Variants in GPR25 observed in about 807,000 individuals in gnomAD.
The protein encoded by GPR25 is G protein-coupled receptor 25.
For missense variants in GPR25, 501 were observed against 503.0 expected, an observed-to-expected ratio of 1.00 and a Z score of 0.04; for synonymous variants, 280 against 264.9, an observed-to-expected ratio of 1.06 and a Z score of -0.55.
chr1:200,873,488 C>A lies in GPR25; in HGVS notation c.451C>A (p.Arg151Ser), dbSNP rs1417960492. Residue 151 changes from arginine to serine, a missense_variant, in exon 1 of 1, where the codon CGC (arginine) becomes AGC (serine). By Grantham distance (110) the Arg-to-Ser change is moderately radical. Coordinates refer to ENST00000304244, the MANE Select transcript of GPR25 (RefSeq NM_005298.4). ...GAAGCTGCTCGAGGCGAGGCCACTG[C>A]GCACCCCGCGCTGCGCGCTGGCCTC... ...VVKLLEARPL[R>S]TPRCALASCC... 4 of 1,562,724 alleles carry A rather than the reference C, an allele frequency of 2.6e-6. No homozygotes were observed. The highest frequency in any genetic ancestry group is 3.4e-6 in the Non-Finnish European group (4 of 1,163,148).
In GPR25 at chr1:200,874,015, C is replaced by G. The variant is rs773470365; in HGVS notation, c.978C>G (p.Thr326=). ...CGCTGGACGGGGCCTGCGGGCGCAC[C>G]GGCCGCCTGGCGCGAAGGATCAGCT... The part of the protein sequence containing the change: ...ARALDGACGR[T]GRLARRISSA... Residue 326 remains threonine, a synonymous_variant, in exon 1 of 1, where the codon ACC becomes ACG. Coordinates refer to ENST00000304244, the MANE Select transcript of GPR25 (RefSeq NM_005298.4). 3.1e-6 allele frequency: 5 copies of G among 1,611,620 alleles called. No homozygotes were observed. Among genetic ancestry groups the G allele is most frequent in the Non-Finnish European group, 4.2e-6 (5 of 1,179,350 alleles).
chr1:200,873,282 C>A lies in GPR25; in HGVS notation c.245C>A (p.Ala82Glu). ...GTGGATACCTTCGTGCTGCACCTGG[C>A]GGCAGCTGACCTGGGCTTCGTGCTC... ...RLVDTFVLHL[A>E]AADLGFVLTL... The change falls in exon 1 of 1, where the codon GCG becomes GAG. Residue 82 changes from alanine to glutamate, a missense_variant. Ala to Glu is a moderately radical substitution (Grantham distance 107). Transcript: ENST00000304244. 1 of 1,549,234 alleles carries A rather than the reference C, an allele frequency of 6.5e-7. No individual in the cohort carries two copies. The highest frequency in any genetic ancestry group is 2.4e-5 in the East Asian group (1 of 41,686).
In GPR25 at chr1:200,873,609, G is replaced by A. The variant is rs754374413; in HGVS notation, c.572G>A (p.Cys191Tyr). Residue 191 changes from cysteine to tyrosine, a missense_variant, in exon 1 of 1, where the codon TGC becomes TAC. Cys to Tyr is a radical substitution (Grantham distance 194). Transcript: ENST00000304244. ...QPLPGGQDSQ[C>Y]GEEPSHAFQG... is the part of the protein sequence containing the mutation. ...CTGCCTGGGGGCCAGGACAGCCAGTGCGGCGAGGAGCCCTCCCACGCCTTC... is the reference window on the plus strand; with the variant it reads ...CTGCCTGGGGGCCAGGACAGCCAGTACGGCGAGGAGCCCTCCCACGCCTTC... 2.2e-5 allele frequency: 35 copies of A among 1,594,588 alleles called. No individual in the cohort carries two copies. Among genetic ancestry groups the A allele is most frequent in the Non-Finnish European group, 3.0e-5 (35 of 1,178,334 alleles).
At position 200,873,014 on chromosome 1, in the gene GPR25, C is replaced by G. The variant is rs1429807762; in HGVS notation, c.-24C>G. ...TGCCGCCTGCGCCCAGGGCTGCACT[C>G]CGCGCAGGCCTCATAGCCAGGCCAT... On this transcript the variant is annotated 5_prime_UTR_variant, in exon 1 of 1. Transcript: ENST00000304244. The G allele has an allele frequency of 1.3e-6, 2 of 1,494,790 alleles. No homozygotes were observed. Among genetic ancestry groups the G allele is most frequent in the South Asian group, 1.3e-5 (1 of 77,678 alleles). The allele number at this position is 1,494,790 out of a possible 1,614,324, so 92.6% of individuals were successfully genotyped here. A position where few individuals can be genotyped will look rare whatever the true frequency, so the allele number is the denominator to read the frequency against.
chr1:200,874,084 C>T lies in GPR25; in HGVS notation c.1047C>T (p.Cys349=), dbSNP rs199987519. ...GGGACGACAGTTCCGTGTTCCGTTG[C>T]CGGGCCCAGGCCGCGAACACTGCCT... ...LSRDDSSVFR[C]RAQAANTASA... is the part of the protein sequence containing the mutation. Residue 349 remains cysteine, a synonymous_variant, in exon 1 of 1, where the codon TGC becomes TGT. Coordinates refer to ENST00000304244, the MANE Select transcript of GPR25 (RefSeq NM_005298.4). 4 of 1,587,996 alleles carry T rather than the reference C, an allele frequency of 2.5e-6. No individual in the cohort carries two copies. Among genetic ancestry groups the T allele is most frequent in the South Asian group, 1.1e-5 (1 of 88,602 alleles).
At position 200,874,026 on chromosome 1, in the gene GPR25, C is replaced by T. The variant is rs1418156794; in HGVS notation, c.989C>T (p.Ala330Val). 1.9e-6 allele frequency: 3 copies of T among 1,611,344 alleles called. No homozygotes were observed. The highest frequency in any genetic ancestry group is 2.5e-6 in the Non-Finnish European group (3 of 1,179,250). The change falls in exon 1 of 1, where the codon GCG becomes GTG. Residue 330 changes from alanine to valine, a missense_variant. By Grantham distance (64) the Ala-to-Val change is moderately conservative. Coordinates refer to ENST00000304244, the MANE Select transcript of GPR25 (RefSeq NM_005298.4). ...GCCTGCGGGCGCACCGGCCGCCTGG[C>T]GCGAAGGATCAGCTCAGCCTCCTCG... ...DGACGRTGRL[A>V]RRISSASSLS... is the part of the protein sequence containing the mutation.
rs767554545 is a variant in GPR25 at position 200,873,612 on chromosome 1, G to T, written c.575G>T (p.Gly192Val). Residue 192 changes from glycine to valine, a missense_variant, in exon 1 of 1, where the codon GGC becomes GTC. Coordinates refer to ENST00000304244, the MANE Select transcript of GPR25 (RefSeq NM_005298.4). The part of the protein sequence containing the change: ...PLPGGQDSQC[G>V]EEPSHAFQGL... ...CCTGGGGGCCAGGACAGCCAGTGCG[G>T]CGAGGAGCCCTCCCACGCCTTCCAG... is the stretch of plus-strand genomic sequence containing the variant. 18 of 1,594,938 alleles carry T rather than the reference G, an allele frequency of 1.1e-5. No homozygotes were observed. The highest frequency in any genetic ancestry group is 1.4e-5 in the Non-Finnish European group (16 of 1,178,542).
At position 200,874,021 on chromosome 1, in the gene GPR25, C is replaced by T. The variant is rs1393328768; in HGVS notation, c.984C>T (p.Arg328=). ...ACGGGGCCTGCGGGCGCACCGGCCG[C>T]CTGGCGCGAAGGATCAGCTCAGCCT... The part of the protein sequence containing the change: ...ALDGACGRTG[R]LARRISSASS... Residue 328 remains arginine (R), a synonymous_variant, in exon 1 of 1, where the codon CGC becomes CGT. Coordinates refer to ENST00000304244, the MANE Select transcript of GPR25 (RefSeq NM_005298.4). 1 of 1,611,536 alleles carries T rather than the reference C, an allele frequency of 6.2e-7. No individual in the cohort carries two copies.
In GPR25 at chr1:200,873,877, C is replaced by T; in HGVS notation, c.840C>T (p.Pro280=). ...ARLGALPLPC[P]LLLALRWGLT... is the part of the protein sequence containing the mutation. ...TGGGGGCGCTGCCGCTGCCGTGCCC[C>T]CTGCTGCTGGCGCTGCGCTGGGGCC... The change falls in exon 1 of 1, where the codon CCC becomes CCT. Residue 280 remains proline, a synonymous_variant. Transcript: ENST00000304244. 6.2e-7 allele frequency: 1 copy of T among 1,607,076 alleles called. No individual in the cohort carries two copies. The highest frequency in any genetic ancestry group is 8.5e-7 in the Non-Finnish European group (1 of 1,178,672).
In GPR25 at chr1:200,873,835, C is replaced by T; in HGVS notation, c.798C>T (p.Val266=). 6.2e-7 allele frequency: 1 copy of T among 1,602,056 alleles called. No individual in the cohort carries two copies. The highest frequency in any genetic ancestry group is 1.1e-5 in the South Asian group (1 of 91,040). ...SWLPFSALRA[V]FHLARLGALP... ...TGCCCTTCAGCGCCCTGCGGGCCGT[C>T]TTCCACCTGGCGCGTCTGGGGGCGC... Residue 266 remains valine (V), a synonymous_variant, in exon 1 of 1, where the codon GTC becomes GTT. Transcript: ENST00000304244.
chr1:200,874,010 C>G lies in GPR25; in HGVS notation c.973C>G (p.Arg325Gly), dbSNP rs748505357. 6.2e-7 allele frequency: 1 copy of G among 1,611,572 alleles called. No homozygotes were observed. ...CCGGGCGCTGGACGGGGCCTGCGGG[C>G]GCACCGGCCGCCTGGCGCGAAGGAT... ...RARALDGACG[R>G]TGRLARRISS... The change falls in exon 1 of 1, where the codon CGC becomes GGC. Residue 325 changes from arginine (R) to glycine (G), a missense_variant. Transcript: ENST00000304244.
At position 200,873,732 on chromosome 1, in the gene GPR25, C is replaced by T. The variant is rs1284159147; in HGVS notation, c.695C>T (p.Pro232Leu). 2.5e-6 allele frequency: 4 copies of T among 1,597,906 alleles called. No individual in the cohort carries two copies. The Admixed American group carries it at 6.7e-5, about 27-fold the overall frequency. ...CGCATCTCGCGCCGCCTGCGACGGCCGCCGCACGTGGGTCGGGCCCGGAGG... is the reference window on the plus strand; with the variant it reads ...CGCATCTCGCGCCGCCTGCGACGGCTGCCGCACGTGGGTCGGGCCCGGAGG... ...YCRISRRLRR[P>L]PHVGRARRNS... The change falls in exon 1 of 1, where the codon CCG becomes CTG. Residue 232 changes from proline to leucine, a missense_variant. Transcript: ENST00000304244.
At position 200,873,176 on chromosome 1, in the gene GPR25, C is replaced by G. The variant is rs1319546455; in HGVS notation, c.139C>G (p.Leu47Val). The change falls in exon 1 of 1, where the codon CTG becomes GTG. Residue 47 changes from leucine (L) to valine (V), a missense_variant. Physicochemically the swap from Leu to Val is conservative, Grantham distance 32 (BLOSUM62 1). Coordinates refer to ENST00000304244, the MANE Select transcript of GPR25 (RefSeq NM_005298.4). ...YGYVYIPALY[L>V]AAFAVGLLGN... ...CTACGTCTACATCCCCGCGCTCTAC[C>G]TGGCGGCCTTCGCCGTGGGCCTGCT... 8.7e-6 allele frequency: 14 copies of G among 1,606,756 alleles called. No individual in the cohort carries two copies. The highest frequency in any genetic ancestry group is 1.3e-5 in the African/African-American group (1 of 74,922).
rs1252851430 is a variant in GPR25 at position 200,873,210 on chromosome 1, C to T, written c.173C>T (p.Ala58Val). 13 of 1,605,012 alleles carry T rather than the reference C, an allele frequency of 8.1e-6. No homozygotes were observed. The highest frequency in any genetic ancestry group is 1.1e-5 in the Non-Finnish European group (13 of 1,178,328). Residue 58 changes from alanine (A) to valine (V), a missense_variant, in exon 1 of 1, where the codon GCC (alanine) becomes GTC (valine). Ala to Val is a moderately conservative substitution (Grantham distance 64). Transcript: ENST00000304244. ...TTCGCCGTGGGCCTGCTGGGCAACG[C>T]CTTTGTGGTGTGGCTGCTGGCCGGG... ...AAFAVGLLGN[A>V]FVVWLLAGRR...
In GPR25 at chr1:200,873,388, C is replaced by A; in HGVS notation, c.351C>A (p.Phe117Leu). The change falls in exon 1 of 1, where the codon TTC (phenylalanine) becomes TTA (leucine). Residue 117 changes from phenylalanine to leucine, a missense_variant. By Grantham distance (22) the Phe-to-Leu change is conservative (BLOSUM62 0). Coordinates refer to ENST00000304244, the MANE Select transcript of GPR25 (RefSeq NM_005298.4). ...ATGGCCTCTGCAAGCTCAGCAGCTT[C>A]GCGCTGGCGGGCACGCGCTGCGCGG... The part of the protein sequence containing the change: ...FGDGLCKLSS[F>L]ALAGTRCAGA... 2 of 1,491,946 alleles carry A rather than the reference C, an allele frequency of 1.3e-6. No individual in the cohort carries two copies. Among genetic ancestry groups the A allele is most frequent in the Non-Finnish European group, 1.8e-6 (2 of 1,130,768 alleles). 92.4% of individuals were successfully genotyped at this position (1,491,946 alleles called of 1,614,324 possible). A position where few individuals can be genotyped will look rare whatever the true frequency, so the allele number is the denominator to read the frequency against.
Position 200,873,138 on chromosome 1 carries a change from A to C in GPR25, c.101A>C (p.Asp34Ala). 6.2e-7 allele frequency: 1 copy of C among 1,604,132 alleles called. No homozygotes were observed. Among genetic ancestry groups the C allele is most frequent in the Non-Finnish European group, 8.5e-7 (1 of 1,178,548 alleles). ...GAGCTGGAGCTGTGTCCGGCCGGGG[A>C]CCTGCCCTACGGCTACGTCTACATC... ...LEELELCPAG[D>A]LPYGYVYIPA... Residue 34 changes from aspartate (D) to alanine (A), a missense_variant, in exon 1 of 1, where the codon GAC becomes GCC. By Grantham distance (126) the Asp-to-Ala change is moderately radical. Coordinates refer to ENST00000304244, the MANE Select transcript of GPR25 (RefSeq NM_005298.4).
rs200829877 is a variant in GPR25 at position 200,873,736 on chromosome 1, G to A, written c.699G>A (p.Pro233=). ...CRISRRLRRP[P]HVGRARRNSL... is the part of the protein sequence containing the mutation. ...TCTCGCGCCGCCTGCGACGGCCGCCGCACGTGGGTCGGGCCCGGAGGAACT... is the reference window on the plus strand; with the variant it reads ...TCTCGCGCCGCCTGCGACGGCCGCCACACGTGGGTCGGGCCCGGAGGAACT... The change falls in exon 1 of 1, where the codon CCG becomes CCA. Residue 233 remains proline (P), a synonymous_variant. Transcript: ENST00000304244. 16 of 1,597,810 alleles carry A rather than the reference G, an allele frequency of 1.0e-5. No individual in the cohort carries two copies. The highest frequency in any genetic ancestry group is 2.2e-5 in the East Asian group (1 of 44,824).
Position 200,873,269 on chromosome 1 carries a change from G to A in GPR25, c.232G>A (p.Val78Met). ...RGPRRLVDTFVLHLAAADLGF... is the reference protein window; with the variant it reads ...RGPRRLVDTFMLHLAAADLGF... ...CCCGCGGCGGCTGGTGGATACCTTCGTGCTGCACCTGGCGGCAGCTGACCT... is the reference window on the plus strand; with the variant it reads ...CCCGCGGCGGCTGGTGGATACCTTCATGCTGCACCTGGCGGCAGCTGACCT... Residue 78 changes from valine to methionine, a missense_variant, in exon 1 of 1, where the codon GTG becomes ATG. Physicochemically the swap from Val to Met is conservative, Grantham distance 21 (BLOSUM62 1). Coordinates refer to ENST00000304244, the MANE Select transcript of GPR25 (RefSeq NM_005298.4). 1.3e-6 allele frequency: 2 copies of A among 1,562,354 alleles called. No homozygotes were observed. The highest frequency in any genetic ancestry group is 1.4e-5 in the African/African-American group (1 of 73,894).
rs1668002520 is a variant in GPR25, at chr1:200,873,611, G to A, written c.574G>A (p.Gly192Ser). ...GCCTGGGGGCCAGGACAGCCAGTGC[G>A]GCGAGGAGCCCTCCCACGCCTTCCA... ...PLPGGQDSQC[G>S]EEPSHAFQGL... Residue 192 changes from glycine (G) to serine (S), a missense_variant, in exon 1 of 1, where the codon GGC (glycine) becomes AGC (serine). Gly to Ser is a moderately conservative substitution (Grantham distance 56). Coordinates refer to ENST00000304244, the MANE Select transcript of GPR25 (RefSeq NM_005298.4). 4 of 1,594,974 alleles carry A rather than the reference G, an allele frequency of 2.5e-6. No individual in the cohort carries two copies. Among genetic ancestry groups the A allele is most frequent in the East Asian group, 4.5e-5 (2 of 44,678 alleles).
Sources: gnomAD v4.1 joint callset for allele counts on GRCh38, gnomAD v4.1.1 for gene constraint, MANE v1.5 for transcripts, NCBI Gene and HGNC (gene_info 2026-07-23, HGNC 2026-07-21) for gene names.